The following FRYL variants were observed in gnomAD, a reference collection of about 807,000 sequenced individuals.
FRYL encodes FRY like transcription coactivator.
Under a neutral mutation model 351.2 loss-of-function variants are expected in FRYL, and 150 were observed. The observed-to-expected ratio is 0.43, with a 90% confidence interval of 0.37 to 0.49. FRYL has a LOEUF of 0.49. Among genes scored for constraint, FRYL ranks in the 20% least tolerant of loss-of-function variants. FRYL has a pLI of 0.00. For missense variants in FRYL, 3,036 were observed against 3,619.3 expected (o/e 0.84, Z 4.13); for synonymous variants, 1,153 against 1,257.1 (o/e 0.92, Z 1.75).
At chr4:48,623,274 G>T in intron 4 of FRYL, 95 bp from the exon 5 acceptor site, 1 of 753,686 alleles carries the variant, frequency 1.3e-6, no homozygotes, top group Non-Finnish European at 2.1e-6. Flanking sequence ...AGATTTGTGC[G>T]TTTGGTTTTG....
chr4:48,596,693 A>C (rs900535594), intron 13 of FRYL, among the ~76,000 whole-genome samples: 6 of 152,134 alleles, frequency 3.9e-5, no homozygotes, highest in Non-Finnish European at 5.9e-5. Context: ...TAAGTGTTAT[A>C]ATTTTTATTT....
intron 3 of FRYL, among the ~76,000 whole-genome samples, chr4:48,656,887 T>C (rs1397183089): frequency 2.6e-5 from 4 of 152,088 alleles, no homozygotes; most frequent in East Asian, 1.9e-4. Flanking sequence ...CATTTATATG[T>C]AGACTAACTC....
intron 47 of FRYL, among the ~76,000 whole-genome samples, chr4:48,539,037 C>G (rs955171519): frequency 6.6e-6 from 1 of 152,122 alleles, no homozygotes; most frequent in African/African-American, 2.4e-5. Flanking sequence ...AGCTATAACA[C>G]TTTTAAACAA....
Position 48,501,694 on chromosome 4 carries a change from G to A in FRYL, c.8521C>T (p.Gln2841Ter). 6.2e-7 allele frequency: 1 copy of A among 1,609,348 alleles called. No homozygotes were observed. The highest frequency in any genetic ancestry group is 8.5e-7 in the Non-Finnish European group (1 of 1,176,268). ...LCRRLYKLHF[Q>*]LLLLFQAYCK... ...TAGGCCTGGAACAGAAGCAGCAATTGAAAATGCAATTTGTATAATCTTCGG... is the reference window on the plus strand; with the variant it reads ...TAGGCCTGGAACAGAAGCAGCAATTAAAAATGCAATTTGTATAATCTTCGG... The change falls in exon 62 of 64, where the codon CAA (glutamine) becomes TAA (stop). Residue 2841 changes from glutamine (Q) to a stop codon, truncating the protein, a stop_gained. Coordinates refer to ENST00000358350, the MANE Select transcript of FRYL (RefSeq NM_015030.2). LOFTEE classifies it high-confidence loss of function.
intron 3 of FRYL, among the ~76,000 whole-genome samples, chr4:48,671,592 G>A (rs1360281983): frequency 1.1e-4 from 16 of 152,154 alleles, no homozygotes; most frequent in Admixed American, 3.3e-4. Flanking sequence ...GCTTGAACCC[G>A]GGAGGCAGAG....
intron 3 of FRYL, chr4:48,653,828 C>A (rs35516623): frequency 4.9e-5 from 28 of 570,768 alleles, no homozygotes; most frequent in Non-Finnish European, 6.1e-5. Flanking sequence ...GCAGCAGCAG[C>A]AGCAGAAGCA....
chr4:48,561,527 T>A lies in FRYL; in HGVS notation c.3806A>T (p.Tyr1269Phe). 1.2e-6 allele frequency: 2 copies of A among 1,611,728 alleles called. No homozygotes were observed. Among genetic ancestry groups the A allele is most frequent in the Admixed American group, 1.7e-5 (1 of 59,998 alleles). The change falls in exon 33 of 64, where the codon TAT (tyrosine) becomes TTT (phenylalanine). Residue 1269 changes from tyrosine to phenylalanine, a missense_variant. Physicochemically the swap from Tyr to Phe is conservative, Grantham distance 22. Coordinates refer to ENST00000358350, the MANE Select transcript of FRYL (RefSeq NM_015030.2). ...CCTTGCTAGTTCCTCGGACAACTGA[T>A]AATATGAAACAGAATAGAGATGTGG... ...PLPHLYSVSY[Y>F]QLSEELARAY...
chr4:48,738,137 T>C (rs1371711576), intron 1 of FRYL, among the ~76,000 whole-genome samples: 1 of 152,156 alleles, frequency 6.6e-6, no homozygotes, highest in Non-Finnish European at 1.5e-5. Context: ...ATAAAAAGTA[T>C]ATAGATTGAA....
chr4:48,583,437 C>T (rs1741368869), intron 19 of FRYL, among the ~76,000 whole-genome samples: 1 of 152,100 alleles, frequency 6.6e-6, no homozygotes, highest in African/African-American at 2.4e-5. Context: ...GGGCGTGAGC[C>T]ACCACTCAAT....
intron 2 of FRYL, among the ~76,000 whole-genome samples, chr4:48,710,284 A>C (rs571423426): frequency 7.9e-5 from 12 of 152,360 alleles, no homozygotes; most frequent in African/African-American, 2.6e-4. Flanking sequence ...ATAGAGTACA[A>C]ATAAGGCACA....
chr4:48,682,388 A>G (rs1397112154), intron 3 of FRYL, among the ~76,000 whole-genome samples: 1 of 152,240 alleles, frequency 6.6e-6, no homozygotes, highest in Non-Finnish European at 1.5e-5. Context: ...TAAAACTCCA[A>G]AAGCAATAGC....
chr4:48,525,225 A>T (rs1285405036), intron 53 of FRYL, among the ~76,000 whole-genome samples: 1 of 150,222 alleles, frequency 6.7e-6, no homozygotes, highest in Non-Finnish European at 1.5e-5. Flanking sequence ...TGTAAAATGT[A>T]TTAACTGTGG....
chr4:48,671,873 C>CAAAAAAAAAAAAAAAAAAAAAA (rs71191252), intron 3 of FRYL, among the ~76,000 whole-genome samples: 8 of 51,852 alleles, frequency 1.5e-4, no homozygotes, highest in African/African-American at 3.0e-4. Flanking sequence ...AAAAAAAAAA[C>CAAAAAAAAAAAAAAAAAAAAAA]AAAAAAAAAA....
chr4:48,652,719 T>G (rs1182088625), intron 3 of FRYL, among the ~76,000 whole-genome samples: 11 of 152,230 alleles, frequency 7.2e-5, no homozygotes, highest in Non-Finnish European at 1.5e-4. Context: ...ACTTTCATAT[T>G]ATTTGCTTAA....
rs568555217 is a variant in FRYL at position 48,541,972 on chromosome 4, T to C, written c.5687+55A>G. 3.8e-5 allele frequency: 43 copies of C among 1,140,710 alleles called. No homozygotes were observed. The South Asian group carries it at 4.8e-4, about 13-fold the overall frequency. The allele number at this position is 1,140,710 out of a possible 1,614,324, so 70.7% of individuals were successfully genotyped here. The stretch of plus-strand genomic sequence containing the variant: ...TAGAATTTTAAAAGTTATAGCTATA[T>C]GTAGTTAGCTATTCAAGTTCTCTCT... On this transcript the variant is annotated intron_variant, in intron 45 of 63. Transcript: ENST00000358350.
chr4:48,682,359 T>C (rs972224672), intron 3 of FRYL, among the ~76,000 whole-genome samples: 1 of 152,108 alleles, frequency 6.6e-6, no homozygotes, highest in Non-Finnish European at 1.5e-5. Context: ...GACACAGGCA[T>C]GGGCAAAGAC....
At position 48,541,947 on chromosome 4, in the gene FRYL, T is replaced by G. The variant is rs556798631; in HGVS notation, c.5687+80A>C. 5.2e-6 allele frequency: 5 copies of G among 967,146 alleles called. No homozygotes were observed. The Admixed American group carries it at 9.5e-5, about 18-fold the overall frequency. 59.9% of individuals were successfully genotyped at this position (967,146 alleles called of 1,614,324 possible). A position where few individuals can be genotyped will look rare whatever the true frequency, so the allele number is the denominator to read the frequency against. On this transcript the variant is annotated intron_variant, in intron 45 of 63. Coordinates refer to ENST00000358350, the MANE Select transcript of FRYL (RefSeq NM_015030.2). The stretch of plus-strand genomic sequence containing the variant: ...GCAGTATTGTGCTTACTAACAATAT[T>G]AGAATTTTAAAAGTTATAGCTATAT...
chr4:48,584,723 G>C (rs1741727185), intron 19 of FRYL, among the ~76,000 whole-genome samples: 1 of 152,206 alleles, frequency 6.6e-6, no homozygotes, highest in South Asian at 2.1e-4. Flanking sequence ...AAACAATAAA[G>C]CTTGGTTAAT....
rs371786647 is a variant in FRYL at position 48,550,966 on chromosome 4, G to A, written c.4521-262C>T. On this transcript the variant is annotated intron_variant, in intron 37 of 63. Coordinates refer to ENST00000358350, the MANE Select transcript of FRYL (RefSeq NM_015030.2). ...GTGTGCCTGTAGTCCCAGCTACTCC[G>A]GAGGCTGAGGCAGGAGAATTGCTTG... 1.7e-3 allele frequency among the ~76,000 whole-genome samples: 259 copies of A among 151,968 alleles called. 3 individuals are homozygous for A. In the South Asian group the frequency reaches 0.035, roughly 21 times the overall value.
Sources: gnomAD v4.1 joint callset for allele counts (sites outside exome capture counted in the v4.1 genomes callset) on GRCh38, gnomAD v4.1.1 for gene constraint, MANE v1.5 for transcripts, NCBI Gene and HGNC (gene_info 2026-07-23, HGNC 2026-07-21) for gene names.